The following AGBL3 variants were observed in gnomAD, a reference collection of about 807,000 sequenced individuals.
The protein encoded by AGBL3 is cytosolic carboxypeptidase 3.
Under a neutral mutation model 94.5 loss-of-function variants are expected in AGBL3, and 68 were observed. That is an observed-to-expected ratio of 0.72 (90% CI 0.59 to 0.88). The LOEUF is 0.88. Ranked by LOEUF, AGBL3 falls within the 40% of genes least tolerant of loss-of-function variation. AGBL3 has a pLI of 0.00. For synonymous variants in AGBL3, 354 were observed against 370.7 expected (o/e 0.95, Z 0.52); for missense variants, 934 against 1,103.8 (o/e 0.85, Z 2.18).
chr7:135,053,848 AAT>A (rs2116641562), intron 11 of AGBL3, among the ~76,000 whole-genome samples: 1 of 152,330 alleles, frequency 6.6e-6, no homozygotes, highest in Non-Finnish European at 1.5e-5. Context: ...TCTGCCAGTC[AAT>A]GTCTTCGATT....
chr7:134,992,567 A>T (rs1428438669), intron 3 of AGBL3, among the ~76,000 whole-genome samples: 1 of 152,224 alleles, frequency 6.6e-6, no homozygotes, highest in Non-Finnish European at 1.5e-5. Flanking sequence ...TTTAGCACAT[A>T]GTAGATGCAT....
chr7:135,121,663 G>A (rs957515522), intron 16 of AGBL3, among the ~76,000 whole-genome samples: 10 of 152,014 alleles, frequency 6.6e-5, no homozygotes, highest in East Asian at 1.9e-4. Flanking sequence ...TAGAAACAGC[G>A]GCATTCGGAG....
At chr7:135,075,508 C>A (rs2116818647) in intron 12 of AGBL3, among the ~76,000 whole-genome samples, 1 of 152,266 alleles carries the variant, frequency 6.6e-6, no homozygotes, top group East Asian at 1.9e-4. Flanking sequence ...GGGTTGTTTT[C>A]AGTTTGGGGC....
rs1173909969 is a variant in AGBL3, at chr7:135,115,504, A to G, written c.2235A>G (p.Gln745=). 1 of 1,551,402 alleles carries G rather than the reference A, an allele frequency of 6.4e-7. No individual in the cohort carries two copies. The highest frequency in any genetic ancestry group is 2.4e-5 in the East Asian group (1 of 40,896). Residue 745 remains glutamine (Q), a synonymous_variant, in exon 16 of 17, where the codon CAA becomes CAG. Transcript: ENST00000436302. The part of the protein sequence containing the change: ...SYKDKGIVQT[Q]EILQYLLPIV... ...AGGATAAAGGAATAGTTCAAACTCAAGAAATATTGCAGTATTTGCTCCCCA... is the reference window on the plus strand; with the variant it reads ...AGGATAAAGGAATAGTTCAAACTCAGGAAATATTGCAGTATTTGCTCCCCA...
intron 5 of AGBL3, among the ~76,000 whole-genome samples, chr7:135,022,183 A>G (rs1178728517): frequency 6.6e-6 from 1 of 152,224 alleles, no homozygotes; most frequent in Non-Finnish European, 1.5e-5. Context: ...GTATATACCC[A>G]GTAATAGGAT....
intron 4 of AGBL3, among the ~76,000 whole-genome samples, chr7:134,996,745 A>T (rs1310693763): frequency 2.0e-5 from 3 of 152,164 alleles, no homozygotes; most frequent in African/African-American, 7.2e-5. Context: ...GTGTGGCCTA[A>T]TGCATATATA....
intron 11 of AGBL3, among the ~76,000 whole-genome samples, chr7:135,047,885 G>T (rs904573893): frequency 9.9e-5 from 15 of 151,918 alleles, no homozygotes; most frequent in African/African-American, 3.4e-4. Flanking sequence ...AGTCCCATGT[G>T]TTTATTTTTG....
intron 12 of AGBL3, among the ~76,000 whole-genome samples, chr7:135,067,195 AC>A (rs1332373694): frequency 6.6e-6 from 1 of 152,204 alleles, no homozygotes; most frequent in Middle Eastern, 3.2e-3. Context: ...GGGGACGGGC[AC>A]CCACCATTGC....
Position 135,027,783 on chromosome 7 carries a change from A to G in AGBL3, c.419-5061A>G, listed in dbSNP as rs565839189. On this transcript the variant is annotated intron_variant, in intron 5 of 16. Coordinates refer to ENST00000436302, the MANE Select transcript of AGBL3 (RefSeq NM_178563.4). Reference sequence around the variant, plus strand: ...ATTGTACTCAGGAGATGGACACCCTAAACACCTGGACTTGATCACTACACA... The same window carrying G: ...ATTGTACTCAGGAGATGGACACCCTGAACACCTGGACTTGATCACTACACA... 2.2e-3 allele frequency among the ~76,000 whole-genome samples: 335 copies of G among 151,790 alleles called. 1 individual carries two copies. Among genetic ancestry groups the G allele is most frequent in the Middle Eastern group, 0.014 (4 of 294 alleles).
At chr7:135,008,451 T>C (rs569786559) in intron 4 of AGBL3, among the ~76,000 whole-genome samples, 2 of 152,178 alleles carry the variant, frequency 1.3e-5, no homozygotes, top group Non-Finnish European at 2.9e-5. Flanking sequence ...ATAAAGAAGT[T>C]TGTCCCTTAC....
At chr7:135,003,831 T>G (rs767222505) in intron 4 of AGBL3, among the ~76,000 whole-genome samples, 2 of 151,422 alleles carry the variant, frequency 1.3e-5, no homozygotes, top group Non-Finnish European at 3.0e-5. Flanking sequence ...TTTTGAAAAT[T>G]GCCATACTTT....
chr7:135,129,561 A>T, intron 16 of AGBL3: 1 of 772,658 alleles, frequency 1.3e-6, no homozygotes, highest in South Asian at 1.3e-5. Context: ...TTTCTGTTGG[A>T]TTTGCATGAG....
intron 16 of AGBL3, 142 bp from the exon 17 acceptor site, chr7:135,134,699 T>C (rs1271905873): frequency 6.4e-6 from 5 of 784,992 alleles, no homozygotes; most frequent in Admixed American, 6.0e-5. Context: ...TGAAGACTTC[T>C]AAATGATGGT....
Position 134,999,185 on chromosome 7 carries a change from ATCT to A in AGBL3, c.310+5511_310+5513del, listed in dbSNP as rs1202696782. On this transcript the variant is annotated intron_variant, in intron 4 of 16. Transcript: ENST00000436302. ...ACTTGATGGTCCAAATTGCCACAGT[ATCT>A]TCTGTTTCAGTCCTTTTACAGTATT... 5.3e-5 allele frequency among the ~76,000 whole-genome samples: 8 copies of A among 152,316 alleles called. No individual in the cohort carries two copies. In the East Asian group the frequency reaches 1.5e-3, roughly 29 times the overall value.
At chr7:135,106,818 A>G (rs1824798565) in intron 15 of AGBL3, among the ~76,000 whole-genome samples, 1 of 152,184 alleles carries the variant, frequency 6.6e-6, no homozygotes, top group Non-Finnish European at 1.5e-5. Flanking sequence ...ATCTGATTGA[A>G]TTCAGCTGTG....
rs1308017608 is a variant in AGBL3, at chr7:135,129,882, GT to G, written c.2343-4957del. Among the ~76,000 whole-genome samples, 6 of 152,160 alleles carry G rather than the reference GT, an allele frequency of 3.9e-5. No homozygotes were observed. The East Asian group carries it at 1.2e-3, about 29-fold the overall frequency. On this transcript the variant is annotated intron_variant, in intron 16 of 16. Transcript: ENST00000436302. ...TGCATTCATACATTTTTTAATGCAA[GT>G]TGAGAAAAATTATAAGCCAAGGGTT...
At chr7:135,043,927 T>C (rs1817109826) in intron 8 of AGBL3, 98 bp from the exon 9 acceptor site, 6 of 1,416,120 alleles carry the variant, frequency 4.2e-6, no homozygotes, top group Admixed American at 2.5e-5. Flanking sequence ...GTGAGAATTA[T>C]AGACTTTGCA....
intron 15 of AGBL3, among the ~76,000 whole-genome samples, chr7:135,107,644 C>T (rs1187280373): frequency 2.6e-5 from 4 of 152,042 alleles, no homozygotes; most frequent in African/African-American, 9.7e-5. Flanking sequence ...ATTGTGTAGT[C>T]AATTTTAGAG....
chr7:135,032,964 T>C lies in AGBL3; in HGVS notation c.539T>C (p.Leu180Pro). Residue 180 changes from leucine to proline, a missense_variant, in exon 6 of 17, where the codon CTA becomes CCA. Physicochemically the swap from Leu to Pro is moderately conservative, Grantham distance 98 (BLOSUM62 -3). Coordinates refer to ENST00000436302, the MANE Select transcript of AGBL3 (RefSeq NM_178563.4). Reference protein sequence around the residue: ...MFEARFESGNLQKVVKVAEYE... With the variant: ...MFEARFESGNPQKVVKVAEYE... ...GAAGCAAGGTTTGAGAGTGGTAATC[T>C]ACAGAAGGTAGTCAAAGTGTAGGTT... 1 of 1,549,430 alleles carries C rather than the reference T, an allele frequency of 6.5e-7. No individual in the cohort carries two copies. The highest frequency in any genetic ancestry group is 2.5e-5 in the East Asian group (1 of 40,814).
Sources: gnomAD v4.1 joint callset for allele counts (sites outside exome capture counted in the v4.1 genomes callset) on GRCh38, gnomAD v4.1.1 for gene constraint, MANE v1.5 for transcripts, NCBI Gene and HGNC (gene_info 2026-07-23, HGNC 2026-07-21) for gene names.